The following RBMS3 variants were observed in gnomAD, a reference collection of about 807,000 sequenced individuals.
RBMS3 encodes RNA-binding motif, single-stranded-interacting protein 3.
Under a neutral mutation model 66.8 loss-of-function variants are expected in RBMS3, and 27 were observed. The ratio of observed to expected loss-of-function variants is 0.40; its 90% CI spans 0.30 to 0.56. The LOEUF (loss-of-function observed/expected upper bound fraction) is 0.56. Ranked by LOEUF, RBMS3 falls within the 20% of genes least tolerant of loss-of-function variation. The pLI is 0.40. For synonymous variants in RBMS3, 188 were observed against 183.0 expected (o/e 1.03, Z -0.22); for missense variants, 513 against 549.5 (o/e 0.93, Z 0.66).
At position 29,877,216 on chromosome 3, in the gene RBMS3, G is replaced by A. The variant is rs944326145; in HGVS notation, c.745-6946G>A. 2.6e-5 allele frequency among the ~76,000 whole-genome samples: 4 copies of A among 152,252 alleles called. No homozygotes were observed. In the East Asian group the frequency reaches 7.7e-4, roughly 29 times the overall value. ...AGGAAATAAATAATAGTTGGGATAA[G>A]AAAGTGAATGTCACCACTGTATTGC... On this transcript the variant is annotated intron_variant, in intron 7 of 14. Coordinates refer to ENST00000383767, the MANE Select transcript of RBMS3 (RefSeq NM_001003793.3).
chr3:29,340,784 T>G (rs1368831922), intron 1 of RBMS3, among the ~76,000 whole-genome samples: 1 of 152,162 alleles, frequency 6.6e-6, no homozygotes, highest in East Asian at 1.9e-4. Context: ...GATAATTAGA[T>G]CATAGTATTT....
chr3:29,439,478 T>C lies in RBMS3; in HGVS notation c.248+4563T>C, dbSNP rs533572633. Among the ~76,000 whole-genome samples, 39 of 152,250 alleles carry C rather than the reference T, an allele frequency of 2.6e-4. 1 individual carries two copies. The highest frequency in any genetic ancestry group is 4.4e-5 in the Non-Finnish European group (3 of 68,008). On this transcript the variant is annotated intron_variant, in intron 2 of 14. Coordinates refer to ENST00000383767, the MANE Select transcript of RBMS3 (RefSeq NM_001003793.3). ...GTGGTGAAAGATTTTGTCATATGCATTCTTTTTTCCGTTAAAAAGCAGGGA... is the reference window on the plus strand; with the variant it reads ...GTGGTGAAAGATTTTGTCATATGCACTCTTTTTTCCGTTAAAAAGCAGGGA...
chr3:29,636,728 G>A (rs1373920298), intron 4 of RBMS3, among the ~76,000 whole-genome samples: 2 of 151,902 alleles, frequency 1.3e-5, no homozygotes, highest in Non-Finnish European at 2.9e-5. Flanking sequence ...TGCGCAGCAC[G>A]ACTTCACATG....
intron 4 of RBMS3, among the ~76,000 whole-genome samples, chr3:29,721,738 A>C (rs2149321679): frequency 6.6e-6 from 1 of 152,336 alleles, no homozygotes; most frequent in African/African-American, 2.4e-5. Flanking sequence ...CATTATGAGA[A>C]GAAAATCTGG....
intron 3 of RBMS3, among the ~76,000 whole-genome samples, chr3:29,523,870 G>A (rs944640733): frequency 5.3e-5 from 8 of 152,020 alleles, no homozygotes; most frequent in Admixed American, 3.3e-4. Context: ...GAGTAGCTGG[G>A]ATTACAGAAA....
At position 29,562,760 on chromosome 3, in the gene RBMS3, A is replaced by G. The variant is rs181888188; in HGVS notation, c.308-24354A>G. Among the ~76,000 whole-genome samples the G allele has an allele frequency of 2.6e-5, 4 of 152,270 alleles. No individual in the cohort carries two copies. In the East Asian group the frequency reaches 7.7e-4, roughly 29 times the overall value. ...GCTCCTTGTGCATGTATCCCAGCCT[A>G]GCTATATCCTGCTCTAACCCATACT... On this transcript the variant is annotated intron_variant, in intron 3 of 14. Coordinates refer to ENST00000383767, the MANE Select transcript of RBMS3 (RefSeq NM_001003793.3).
chr3:29,990,460 C>CAAAAAAAAAAAAAAAAAAAA (rs10596526), intron 13 of RBMS3, among the ~76,000 whole-genome samples: 1 of 106,514 alleles, frequency 9.4e-6, no homozygotes. Flanking sequence ...CTGTGAGAAA[C>CAAAAAAAAAAAAAAAAAAAA]AAAAAAAAAA....
chr3:29,944,084 T>C, intron 11 of RBMS3, 123 bp from the exon 12 acceptor site: 2 of 760,006 alleles, frequency 2.6e-6, no homozygotes, highest in East Asian at 2.6e-5. Flanking sequence ...TTTACTGCTC[T>C]AAGGCAGGGT....
At chr3:29,346,098 A>G (rs2036555965) in intron 1 of RBMS3, among the ~76,000 whole-genome samples, 1 of 152,208 alleles carries the variant, frequency 6.6e-6, no homozygotes, top group Non-Finnish European at 1.5e-5. Context: ...ACGTTCAAGA[A>G]ACAAAGGGAA....
chr3:29,810,466 T>A (rs1045090446), intron 6 of RBMS3, among the ~76,000 whole-genome samples: 1 of 152,160 alleles, frequency 6.6e-6, no homozygotes, highest in African/African-American at 2.4e-5. Context: ...AATGCACATA[T>A]AAACACACGT....
chr3:29,755,964 CCTAA>C (rs1334314140), intron 5 of RBMS3, among the ~76,000 whole-genome samples: 7 of 152,100 alleles, frequency 4.6e-5, no homozygotes, highest in African/African-American at 1.7e-4. Context: ...TTTCTTTTCT[CCTAA>C]CTATTAAAAA....
At chr3:29,459,445 G>A (rs1448300797) in intron 2 of RBMS3, among the ~76,000 whole-genome samples, 2 of 152,026 alleles carry the variant, frequency 1.3e-5, no homozygotes, top group African/African-American at 4.8e-5. Flanking sequence ...ATAAAGAATG[G>A]CATTATTTAT....
chr3:29,593,319 G>T (rs933393306), intron 4 of RBMS3, among the ~76,000 whole-genome samples: 4 of 152,118 alleles, frequency 2.6e-5, no homozygotes, highest in Non-Finnish European at 4.4e-5. Context: ...GTATAAGATC[G>T]TATTAGTAGT....
intron 1 of RBMS3, among the ~76,000 whole-genome samples, chr3:29,319,688 A>G (rs2034895513): frequency 6.6e-6 from 1 of 152,006 alleles, no homozygotes; most frequent in Non-Finnish European, 1.5e-5. Flanking sequence ...TGGATTTTTA[A>G]CTTTAGTTGA....
At chr3:29,582,193 G>C (rs201105588) in intron 3 of RBMS3, among the ~76,000 whole-genome samples, 10 of 147,702 alleles carry the variant, frequency 6.8e-5, no homozygotes, top group Non-Finnish European at 1.3e-4. Flanking sequence ...TAGATAGATA[G>C]ATACACACAC....
At chr3:29,508,043 T>G (rs969582492) in intron 3 of RBMS3, among the ~76,000 whole-genome samples, 3 of 152,156 alleles carry the variant, frequency 2.0e-5, no homozygotes, top group African/African-American at 7.2e-5. Context: ...ATATGTGAAA[T>G]TTTGAATCTC....
intron 10 of RBMS3, among the ~76,000 whole-genome samples, chr3:29,931,926 CTA>C (rs1192227546): frequency 2.0e-5 from 3 of 152,096 alleles, no homozygotes; most frequent in African/African-American, 7.2e-5. Context: ...GTGTGAATAA[CTA>C]TAGGCAATCG....
At chr3:29,745,212 A>T (rs1436982923) in intron 5 of RBMS3, among the ~76,000 whole-genome samples, 1 of 152,104 alleles carries the variant, frequency 6.6e-6, no homozygotes, top group Non-Finnish European at 1.5e-5. Context: ...ATAGTGTCTG[A>T]AATTACAGAC....
chr3:29,928,763 C>T (rs185585638), intron 10 of RBMS3, among the ~76,000 whole-genome samples: 8 of 115,380 alleles, frequency 6.9e-5, no homozygotes, highest in Admixed American at 8.8e-5. Context: ...TCTCCCATAA[C>T]ATATTTGAAC....
Sources: allele counts gnomAD v4.1 joint callset (sites outside exome capture counted in the v4.1 genomes callset), GRCh38; gene constraint gnomAD v4.1.1; transcripts MANE v1.5; gene names NCBI Gene and HGNC (gene_info 2026-07-23, HGNC 2026-07-21).